MCF2: variants seen among roughly 807,000 people sequenced by gnomAD.
MCF2 encodes the protein proto-oncogene DBL.
A neutral mutation model predicts 82.5 loss-of-function variants in MCF2; 44 were observed. That is an observed-to-expected ratio of 0.53 (90% CI 0.42 to 0.69). The LOEUF is 0.69. Among genes scored for constraint, MCF2 ranks in the 30% least tolerant of loss-of-function variants. The pLI, the probability that MCF2 is intolerant of heterozygous loss-of-function variation, is 0.00. For synonymous variants in MCF2, 217 were observed against 224.9 expected, an observed-to-expected ratio of 0.96 and a Z score of 0.32; for missense variants, 623 against 663.1, an observed-to-expected ratio of 0.94 and a Z score of 0.66.
At chrX:139,693,335 C>T (rs1184368467) in intron 1 of MCF2, among the ~76,000 whole-genome samples, 1 of 111,549 alleles carries the variant, frequency 9.0e-6, no homozygotes, top group East Asian at 2.8e-4. Flanking sequence ...TTCTTTAATA[C>T]TTATCCTTTT....
intron 1 of MCF2, among the ~76,000 whole-genome samples, chrX:139,640,167 T>C (rs1306238332): frequency 1.8e-5 from 2 of 111,755 alleles, no homozygotes; most frequent in Non-Finnish European, 3.8e-5. Context: ...GTTTCCAAAA[T>C]GGGACAAATA....
intron 1 of MCF2, among the ~76,000 whole-genome samples, chrX:139,670,373 T>A (rs757085470): frequency 9.0e-6 from 1 of 111,418 alleles, no homozygotes; most frequent in Admixed American, 9.5e-5. Context: ...GCAGGTTTGT[T>A]ACATAGGTAT....
intron 22 of MCF2, 75 bp downstream of exon 26, chrX:139,587,641 A>T: frequency 1.5e-6 from 1 of 668,295 alleles, no homozygotes; most frequent in Non-Finnish European, 2.3e-6. Context: ...GAGATACTTT[A>T]ATTACATTGC....
At chrX:139,670,572 C>T (rs1425431048) in intron 1 of MCF2, among the ~76,000 whole-genome samples, 6 of 110,428 alleles carry the variant, frequency 5.4e-5, no homozygotes, top group Non-Finnish European at 9.5e-5. Flanking sequence ...GTTTGGTTTT[C>T]TGTCCTTGTG....
At chrX:139,686,815 G>A (rs948825105) in intron 1 of MCF2, among the ~76,000 whole-genome samples, 4 of 111,427 alleles carry the variant, frequency 3.6e-5, no homozygotes, top group African/African-American at 1.3e-4. Flanking sequence ...CATCATTAAT[G>A]CTAATAGCCT....
chrX:139,687,059 C>T (rs1486670800), intron 1 of MCF2, among the ~76,000 whole-genome samples: 1 of 24,863 alleles, frequency 4.0e-5, no homozygotes, highest in Non-Finnish European at 1.6e-4. Flanking sequence ...AACACACACA[C>T]ACATACACAC....
intron 1 of MCF2, among the ~76,000 whole-genome samples, chrX:139,705,631 T>C (rs1229013146): frequency 1.8e-5 from 2 of 112,235 alleles, no homozygotes; most frequent in East Asian, 2.8e-4. Context: ...ACCTAGGAAA[T>C]ACTCTTTTCG....
Position 139,641,569 on chromosome X carries a change from C to G in MCF2, c.51+899G>C, listed in dbSNP as rs186317067. 2.3e-3 allele frequency among the ~76,000 whole-genome samples: 253 copies of G among 110,833 alleles called. 1 individual carries two copies. The highest frequency in any genetic ancestry group is 3.6e-3 in the Non-Finnish European group (192 of 52,846). On this transcript the variant is annotated intron_variant, in intron 1 of 24. Coordinates refer to ENST00000370576, the Ensembl canonical transcript of MCF2. ...ATTTTTTTCCTATGGTCAATTTTTA[C>G]CTTCTTATCTGTGTGTGTGTGTTAT... is the stretch of plus-strand genomic sequence containing the variant.
intron 2 of MCF2, 50 bp downstream of exon 2, chrX:139,651,670 C>T (rs1934019823): frequency 2.5e-6 from 2 of 784,525 alleles, no homozygotes; most frequent in Non-Finnish European, 3.7e-6. Context: ...AAACTAACTG[C>T]TAATCAAGTC....
intron 17 of MCF2, 141 bp from the exon 22 acceptor site, chrX:139,597,726 C>A: frequency 2.5e-6 from 1 of 396,943 alleles, no homozygotes; most frequent in Middle Eastern, 8.6e-4. Context: ...ATGCCCTTTG[C>A]TGCAGTAATA....
chrX:139,622,743 C>T (rs1308231554), intron 6 of MCF2, among the ~76,000 whole-genome samples: 1 of 101,861 alleles, frequency 9.8e-6, no homozygotes, highest in African/African-American at 3.6e-5. Context: ...GGGTGGGGGG[C>T]GAGGGGAGGG....
intron 1 of MCF2, among the ~76,000 whole-genome samples, chrX:139,677,229 C>G (rs1385228672): frequency 8.9e-6 from 1 of 111,742 alleles, no homozygotes; most frequent in Non-Finnish European, 1.9e-5. Flanking sequence ...CATGTGTGAA[C>G]AGCCCACCTC....
At chrX:139,604,235 C>A (rs181990723) in intron 15 of MCF2, among the ~76,000 whole-genome samples, 2 of 110,091 alleles carry the variant, frequency 1.8e-5, no homozygotes, top group East Asian at 5.7e-4. Flanking sequence ...GCCTTGATGG[C>A]TGAAAGTCAG....
At chrX:139,666,805 A>G (rs1934533623) in intron 1 of MCF2, among the ~76,000 whole-genome samples, 1 of 111,574 alleles carries the variant, frequency 9.0e-6, no homozygotes, top group Non-Finnish European at 1.9e-5. Context: ...AGATTTTCTA[A>G]TCTCTTCATT....
chrX:139,614,039 C>T (rs923088111), intron 10 of MCF2, among the ~76,000 whole-genome samples: 7 of 110,380 alleles, frequency 6.3e-5, no homozygotes, highest in African/African-American at 2.0e-4. Context: ...AAGCTTCTGA[C>T]TCTATTTAGA....
At chrX:139,691,676 G>A (rs751465640) in intron 1 of MCF2, among the ~76,000 whole-genome samples, 59 of 102,893 alleles carry the variant, frequency 5.7e-4, no homozygotes, top group Non-Finnish European at 9.3e-4. Flanking sequence ...AACGGAGAAC[G>A]GATGACCCAG....
chrX:139,629,564 A>T, intron 4 of MCF2, 131 bp downstream of exon 7: 1 of 535,641 alleles, frequency 1.9e-6, no homozygotes, highest in Non-Finnish European at 2.9e-6. Context: ...AATTTTTTTT[A>T]GTTTTTAAAT....
At chrX:139,639,856 T>G (rs1603297660) in intron 1 of MCF2, among the ~76,000 whole-genome samples, 1 of 112,044 alleles carries the variant, frequency 8.9e-6, no homozygotes, top group East Asian at 2.8e-4. Flanking sequence ...CTATAGCTTT[T>G]CCTATTTAAT....
rs182166513 is a variant in MCF2 at position 139,620,163 on chromosome X, C to T, written c.688-457G>A. 4.7e-3 allele frequency among the ~76,000 whole-genome samples: 519 copies of T among 109,568 alleles called. 3 individuals are homozygous for T. Among genetic ancestry groups the T allele is most frequent in the African/African-American group, 0.016 (498 of 30,214 alleles). On this transcript the variant is annotated intron_variant, in intron 6 of 24. Coordinates refer to ENST00000370576, the Ensembl canonical transcript of MCF2. The stretch of plus-strand genomic sequence containing the variant: ...CTCCAGAAGTAATAAGCACATCTCC[C>T]ACCCAGACCTTGGTCTTTAATACCA...
Sources: allele counts gnomAD v4.1 joint callset (sites outside exome capture counted in the v4.1 genomes callset), GRCh38; gene constraint gnomAD v4.1.1; transcripts MANE v1.5; gene names NCBI Gene and HGNC (gene_info 2026-07-23, HGNC 2026-07-21).